Variants in COL18A1 observed in about 807,000 individuals in gnomAD.
COL18A1 encodes the protein collagen type XVIII alpha 1 chain.
A neutral mutation model predicts 168.0 loss-of-function variants in COL18A1; 133 were observed. That is an observed-to-expected ratio of 0.79 (90% confidence interval 0.69 to 0.91). COL18A1 has a LOEUF of 0.91. COL18A1 is among the 40% of genes least tolerant of loss of function. COL18A1 has a pLI of 0.00. For missense variants in COL18A1, 2,126 were observed against 1,925.4 expected (o/e 1.10, Z -1.95); for synonymous variants, 949 against 809.0 (o/e 1.17, Z -2.94).
chr21:45,462,354 A>C (rs1434184074), intron 2 of COL18A1, among the ~76,000 whole-genome samples: 1 of 151,954 alleles, frequency 6.6e-6, no homozygotes, highest in Non-Finnish European at 1.5e-5. Flanking sequence ...GTCTCTCTGC[A>C]CCTTTCTTTT....
intron 38 of COL18A1, among the ~76,000 whole-genome samples, chr21:45,509,101 T>G (rs769845382): frequency 1.3e-5 from 2 of 152,028 alleles, no homozygotes; most frequent in African/African-American, 4.8e-5. Context: ...TGGTGAGTGA[T>G]TGCTGCGGCT....
At chr21:45,435,172 G>A (rs913634608) in intron 2 of COL18A1, among the ~76,000 whole-genome samples, 25 of 149,948 alleles carry the variant, frequency 1.7e-4, no homozygotes, top group Admixed American at 4.7e-4. Flanking sequence ...CCGGGATGCC[G>A]CACTGCAGGT....
intron 5 of COL18A1, 41 bp from the exon 6 acceptor site, chr21:45,476,310 T>A (rs768706668): frequency 1.9e-6 from 3 of 1,613,166 alleles, no homozygotes; most frequent in Non-Finnish European, 2.5e-6. Flanking sequence ...ACCGGGCATC[T>A]GCCGGCCGAA....
chr21:45,457,111 G>C lies in COL18A1; in HGVS notation c.107-11131G>C, dbSNP rs1296862882. On this transcript the variant is annotated intron_variant, in intron 2 of 41. Coordinates refer to ENST00000651438, the MANE Select transcript of COL18A1 (RefSeq NM_001379500.1). The surrounding 1 kb of genome is among the most constrained non-coding windows in gnomAD (Gnocchi z 4.6). ...TGAACCGCAGCCGATGTGTCCAGGT[G>C]CCACCTGGGCCTGGAGCTCCCTGAG... is the stretch of plus-strand genomic sequence containing the variant. 6.6e-6 allele frequency among the ~76,000 whole-genome samples: 1 copy of C among 152,170 alleles called. No homozygotes were observed. The highest frequency in any genetic ancestry group is 1.5e-5 in the Non-Finnish European group (1 of 68,022).
intron 2 of COL18A1, among the ~76,000 whole-genome samples, chr21:45,412,233 A>AT (rs1285919162): frequency 2.1e-5 from 2 of 96,156 alleles, no homozygotes; most frequent in South Asian, 3.9e-4. Context: ...CTGGGGGTAT[A>AT]TTTCTTTTTT....
At chr21:45,442,938 G>A (rs2034415326) in intron 2 of COL18A1, among the ~76,000 whole-genome samples, 2 of 143,534 alleles carry the variant, frequency 1.4e-5, no homozygotes, top group Admixed American at 1.4e-4. Context: ...TGGTGGTGCT[G>A]GTGTGGGCAG....
In COL18A1 at chr21:45,497,646, C is replaced by G; in HGVS notation, c.2668C>G (p.Pro890Ala). 6.4e-7 allele frequency: 1 copy of G among 1,568,110 alleles called. No homozygotes were observed. Among genetic ancestry groups the G allele is most frequent in the Non-Finnish European group, 8.6e-7 (1 of 1,156,924 alleles). ...GPKGAKGEVG[P>A]PGPPGQFPFD... The stretch of plus-strand genomic sequence containing the variant: ...CAAGGGCGCCAAAGGAGAAGTGGGC[C>G]CCCCCGGACCACCAGGTGAGCAACT... Residue 890 changes from proline (P) to alanine (A), a missense_variant, in exon 32 of 42, where the codon CCC becomes GCC. By Grantham distance (27) the Pro-to-Ala change is conservative. Transcript: ENST00000651438.
chr21:45,492,831 A>C, intron 24 of COL18A1, 118 bp downstream of exon 24: 1 of 824,914 alleles, frequency 1.2e-6, no homozygotes, highest in Non-Finnish European at 2.1e-6. Context: ...GGATAGCGAC[A>C]GTCACTGCCC....
At chr21:45,421,359 G>A (rs1371661979) in intron 2 of COL18A1, 3 of 526,210 alleles carry the variant, frequency 5.7e-6, no homozygotes, top group Admixed American at 2.0e-5. Context: ...ACAGGCCTCA[G>A]GAGAGCTGGG....
Position 45,451,107 on chromosome 21 carries a change from C to A in COL18A1, c.107-17135C>A, listed in dbSNP as rs918295922. 3.3e-5 allele frequency among the ~76,000 whole-genome samples: 5 copies of A among 152,364 alleles called. No homozygotes were observed. The South Asian group carries it at 1.0e-3, about 32-fold the overall frequency. On this transcript the variant is annotated intron_variant, in intron 2 of 41. Coordinates refer to ENST00000651438, the MANE Select transcript of COL18A1 (RefSeq NM_001379500.1). ...GAGGTTCTGAGCTGTTAGCCTCAGG[C>A]TCCTCAGGAGCGGGCAGGTCATGAT...
chr21:45,490,458 G>A (rs2036278955), intron 20 of COL18A1, 112 bp downstream of exon 20: 3 of 905,160 alleles, frequency 3.3e-6, no homozygotes, highest in South Asian at 3.0e-5. Context: ...GGGTCTCCAT[G>A]TGCCCTCGTG....
Position 45,492,714 on chromosome 21 carries a change from G to A in COL18A1, c.2214+1G>A, listed in dbSNP as rs151228115. On this transcript the variant is annotated splice_donor_variant, in intron 24 of 41. Coordinates refer to ENST00000651438, the MANE Select transcript of COL18A1 (RefSeq NM_001379500.1). LOFTEE classifies it high-confidence loss of function. ...CCGGCCGGGTTTCGCAGGCTTTCCC[G>A]TGAGTAACCTGGTGCCAGAGCTGCA... 1.1e-5 allele frequency: 17 copies of A among 1,606,756 alleles called. No homozygotes were observed. Among genetic ancestry groups the A allele is most frequent in the African/African-American group, 5.3e-5 (4 of 74,910 alleles).
intron 26 of COL18A1, chr21:45,494,030 C>T (rs576525885): frequency 1.0e-3 from 258 of 256,386 alleles, no homozygotes; most frequent in Non-Finnish European, 8.9e-4. Context: ...GGCAGCCGCC[C>T]AGAAAAGCCC....
chr21:45,432,942 T>G (rs187955019), intron 2 of COL18A1, among the ~76,000 whole-genome samples: 47 of 152,320 alleles, frequency 3.1e-4, no homozygotes, highest in African/African-American at 1.1e-3. Flanking sequence ...ATGCCAAATG[T>G]CCCACTAAAT....
At chr21:45,458,741 G>A (rs1239825039) in intron 2 of COL18A1, among the ~76,000 whole-genome samples, 2 of 152,234 alleles carry the variant, frequency 1.3e-5, no homozygotes, top group South Asian at 2.1e-4. Context: ...ACAGGACAGC[G>A]GTGGGCTGGG....
Position 45,480,041 on chromosome 21 carries a change from G to T in COL18A1, c.1312-29G>T, listed in dbSNP as rs746735312. The T allele has an allele frequency of 5.6e-6, 9 of 1,610,824 alleles. No individual in the cohort carries two copies. The East Asian group carries it at 1.8e-4, about 32-fold the overall frequency. On this transcript the variant is annotated intron_variant, in intron 10 of 41. Transcript: ENST00000651438. ...AGGTGGGGGCTGTGTGCGTGCCCAG[G>T]GTATGATAGGCTTGTCTTGTGTTCC...
rs371223550 is a variant in COL18A1 at position 45,494,699 on chromosome 21, G to A, written c.2379+128G>A. 4.4e-5 allele frequency: 63 copies of A among 1,441,550 alleles called. No individual in the cohort carries two copies. The highest frequency in any genetic ancestry group is 5.4e-5 in the Non-Finnish European group (56 of 1,032,178). The allele number at this position is 1,441,550 out of a possible 1,614,324, so 89.3% of individuals were successfully genotyped here. ...CATCTCCCTAGTGCAGTTTTAAAGC[G>A]TGTGGGGCAGGTGTCGGCGTGAGGC... On this transcript the variant is annotated intron_variant, in intron 27 of 41. Transcript: ENST00000651438.
In COL18A1 at chr21:45,486,510, C is replaced by T. The variant is rs368953083; in HGVS notation, c.1702-351C>T. Among the ~76,000 whole-genome samples the T allele has an allele frequency of 8.3e-5, 11 of 132,426 alleles. No homozygotes were observed. The East Asian group carries it at 2.4e-3, about 29-fold the overall frequency. 86.9% of individuals were successfully genotyped at this position (132,426 alleles called of 152,430 possible). On this transcript the variant is annotated intron_variant, in intron 15 of 41. Coordinates refer to ENST00000651438, the MANE Select transcript of COL18A1 (RefSeq NM_001379500.1). ...CTGGTCCCAGGGTCCTGAGCCTCCT[C>T]TCCTCTCTCCTCTCTTCTCCCCTTG... is the stretch of plus-strand genomic sequence containing the variant.
chr21:45,478,038 CG>C, intron 8 of COL18A1, 73 bp downstream of exon 8: 1 of 856,758 alleles, frequency 1.2e-6, no homozygotes, highest in Non-Finnish European at 1.9e-6. Flanking sequence ...GGAGAGGCTG[CG>C]GCCGACATGG....
Sources: allele counts gnomAD v4.1 joint callset (sites outside exome capture counted in the v4.1 genomes callset), GRCh38; gene constraint gnomAD v4.1.1; non-coding constraint Gnocchi (gnomAD v3.1); transcripts MANE v1.5; gene names NCBI Gene and HGNC (gene_info 2026-07-23, HGNC 2026-07-21).